Variants in CTNNA3 observed in about 807,000 individuals in gnomAD.
CTNNA3 encodes catenin alpha-3.
Under a neutral mutation model 95.7 loss-of-function variants are expected in CTNNA3, and 76 were observed. The observed-to-expected ratio is 0.79, with a 90% CI of 0.66 to 0.96. The LOEUF (loss-of-function observed/expected upper bound fraction) is 0.96, where lower values mean the gene tolerates loss of function less well. Ranked by LOEUF, CTNNA3 falls within the 40% of genes least tolerant of loss-of-function variation. CTNNA3 has a pLI of 0.00. For synonymous variants in CTNNA3, 431 were observed against 374.4 expected, an observed-to-expected ratio of 1.15 and a Z score of -1.74; for missense variants, 1,191 against 1,089.8, an observed-to-expected ratio of 1.09 and a Z score of -1.31.
At chr10:67,702,679 C>G (rs1841050883) in intron 1 of CTNNA3, among the ~76,000 whole-genome samples, 1 of 152,046 alleles carries the variant, frequency 6.6e-6, no homozygotes, top group Non-Finnish European at 1.5e-5. Flanking sequence ...AAGCAGGAAA[C>G]ATTCAAAATT....
intron 5 of CTNNA3, among the ~76,000 whole-genome samples, chr10:67,293,181 T>A (rs1589133628): frequency 6.6e-6 from 1 of 152,270 alleles, no homozygotes; most frequent in East Asian, 1.9e-4. Flanking sequence ...CTTTCTTTTT[T>A]ATAAGTAGAT....
chr10:66,643,881 A>G (rs1169155875), intron 9 of CTNNA3, among the ~76,000 whole-genome samples: 4 of 152,152 alleles, frequency 2.6e-5, no homozygotes, highest in South Asian at 4.1e-4. Flanking sequence ...TTTTACACAA[A>G]GAAGAAAGTA....
rs1242142123 is a variant in CTNNA3, at chr10:67,301,998, AGAAC to A, written c.580-82132_580-82129del. ...AAAAAAGAAAGAAAGAAAGAACGAA[AGAAC>A]GAAAGAAAGAAAGAAAGAAAGAAAG... On this transcript the variant is annotated intron_variant, in intron 5 of 17. Coordinates refer to ENST00000433211, the MANE Select transcript of CTNNA3 (RefSeq NM_013266.4). Among the ~76,000 whole-genome samples, 169 of 76,912 alleles carry A rather than the reference AGAAC, an allele frequency of 2.2e-3. 1 individual carries two copies. The highest frequency in any genetic ancestry group is 5.3e-3 in the East Asian group (12 of 2,284). 50.5% of individuals were successfully genotyped at this position (76,912 alleles called of 152,430 possible).
intron 10 of CTNNA3, among the ~76,000 whole-genome samples, chr10:66,577,566 C>T (rs1330520009): frequency 6.6e-6 from 1 of 151,964 alleles, no homozygotes; most frequent in African/African-American, 2.4e-5. Context: ...ATCCCAGCAC[C>T]ATTTATTGAC....
At chr10:66,730,713 G>A (rs1321037318) in intron 9 of CTNNA3, among the ~76,000 whole-genome samples, 1 of 152,174 alleles carries the variant, frequency 6.6e-6, no homozygotes, top group African/African-American at 2.4e-5. Flanking sequence ...TGGTGAATAA[G>A]GCAGAGGCAC....
chr10:67,222,347 T>A (rs1289855659), intron 5 of CTNNA3, among the ~76,000 whole-genome samples: 1 of 152,236 alleles, frequency 6.6e-6, no homozygotes, highest in East Asian at 1.9e-4. Context: ...GTTTTAGTTT[T>A]AGTTCTGTCA....
chr10:65,976,503 A>G (rs1176650548), intron 16 of CTNNA3, among the ~76,000 whole-genome samples: 1 of 152,190 alleles, frequency 6.6e-6, no homozygotes, highest in Non-Finnish European at 1.5e-5. Flanking sequence ...GATCTTTTGA[A>G]ATTCAAAGTT....
chr10:66,745,755 A>ATTTT (rs34185477), intron 9 of CTNNA3, among the ~76,000 whole-genome samples: 1 of 128,212 alleles, frequency 7.8e-6, no homozygotes. Context: ...ACACCTCGCT[A>ATTTT]TTTTTTTTTT....
At chr10:67,230,906 G>T (rs939486143) in intron 5 of CTNNA3, among the ~76,000 whole-genome samples, 2 of 152,162 alleles carry the variant, frequency 1.3e-5, no homozygotes, top group African/African-American at 4.8e-5. Flanking sequence ...TCAAAGAGAG[G>T]GGTGACAGAC....
intron 7 of CTNNA3, among the ~76,000 whole-genome samples, chr10:67,105,484 C>A (rs1173294855): frequency 6.6e-6 from 1 of 152,082 alleles, no homozygotes; most frequent in Non-Finnish European, 1.5e-5. Context: ...CTTGTCAAAA[C>A]CTGATGTTGA....
intron 9 of CTNNA3, among the ~76,000 whole-genome samples, chr10:66,685,294 T>TATA: frequency 1.1e-5 from 1 of 88,814 alleles, no homozygotes; most frequent in African/African-American, 5.1e-5. Context: ...AGTATATATA[T>TATA]GTGTGTATAT....
chr10:65,944,858 A>ATCTATCTATCTATCTG (rs2077486818), intron 17 of CTNNA3, among the ~76,000 whole-genome samples: 2 of 45,460 alleles, frequency 4.4e-5, no homozygotes, highest in African/African-American at 1.8e-4. Context: ...ATATCTGTCT[A>ATCTATCTATCTATCTG]TCTATCTATC....
chr10:65,989,009 C>T (rs1472300040), intron 15 of CTNNA3, among the ~76,000 whole-genome samples: 4 of 152,074 alleles, frequency 2.6e-5, no homozygotes, highest in African/African-American at 9.7e-5. Flanking sequence ...GGTGCAGTCT[C>T]GGCTCACTGC....
upstream of CTNNA3, among the ~76,000 whole-genome samples, chr10:67,699,010 T>C (rs73271944): frequency 1.4e-4 from 22 of 152,220 alleles, no homozygotes; most frequent in African/African-American, 4.8e-4. Context: ...CCTCATCTTC[T>C]CTACCCTCCC....
chr10:67,746,595 C>G lies in CTNNA3; in HGVS notation c.-2+16839G>C, dbSNP rs77344934. ...CAGCCCACCTGACAGCCACATGGGA[C>G]AAAGGCAGCCCCCACCTGCAGCCAA... is the stretch of plus-strand genomic sequence containing the variant. On this transcript the variant is annotated intron_variant, in intron 1 of 17. Coordinates refer to the CTNNA3 transcript ENST00000684154. 0.033 allele frequency among the ~76,000 whole-genome samples: 5,032 copies of G among 152,258 alleles called. 597 individuals carry two copies. In the East Asian group the frequency reaches 0.44, roughly 13 times the overall value.
At chr10:66,672,883 C>T (rs771694094) in intron 9 of CTNNA3, among the ~76,000 whole-genome samples, 6 of 151,992 alleles carry the variant, frequency 3.9e-5, no homozygotes, top group African/African-American at 1.4e-4. Context: ...TTCTTTCATG[C>T]AGTCTATATT....
At chr10:66,476,195 C>T (rs1036434095) in intron 11 of CTNNA3, among the ~76,000 whole-genome samples, 1 of 151,856 alleles carries the variant, frequency 6.6e-6, no homozygotes, top group Non-Finnish European at 1.5e-5. Flanking sequence ...GGGAATGACA[C>T]ATGAGTCTTA....
At chr10:66,612,289 C>T (rs79756832) in intron 10 of CTNNA3, among the ~76,000 whole-genome samples, 58 of 152,186 alleles carry the variant, frequency 3.8e-4, no homozygotes, top group African/African-American at 1.3e-3. Flanking sequence ...TCATGCCTCT[C>T]CCTTTTCCCA....
intron 9 of CTNNA3, among the ~76,000 whole-genome samples, chr10:66,742,139 C>A (rs1310190088): frequency 6.6e-6 from 1 of 152,160 alleles, no homozygotes; most frequent in African/African-American, 2.4e-5. Context: ...TCGCTGAATT[C>A]TTTTTCTCAG....
Sources: allele counts gnomAD v4.1 joint callset (sites outside exome capture counted in the v4.1 genomes callset), GRCh38; gene constraint gnomAD v4.1.1; transcripts MANE v1.5; gene names NCBI Gene and HGNC (gene_info 2026-07-23, HGNC 2026-07-21).